Variants in FTO observed in about 807,000 individuals in gnomAD.
The protein encoded by FTO is FTO alpha-ketoglutarate dependent dioxygenase.
In FTO, 47 loss-of-function variants were observed where a neutral mutation model predicts 63.9. The ratio of observed to expected loss-of-function variants is 0.74; its 90% confidence interval spans 0.58 to 0.94. The LOEUF (loss-of-function observed/expected upper bound fraction) is 0.94, where lower values mean the gene tolerates loss of function less well. Ranked by LOEUF, FTO falls within the 40% of genes least tolerant of loss-of-function variation. The pLI is 0.00. For missense variants in FTO, 562 were observed against 618.1 expected (o/e 0.91, Z 0.96); for synonymous variants, 207 against 224.4 (o/e 0.92, Z 0.69).
At chr16:53,982,884 A>AT (rs1341760730) in intron 8 of FTO, among the ~76,000 whole-genome samples, 1 of 152,132 alleles carries the variant, frequency 6.6e-6, no homozygotes, top group Non-Finnish European at 1.5e-5. Flanking sequence ...ATTCAGATAG[A>AT]TTTTTTTATG....
chr16:53,753,779 AT>A (rs1186452080), intron 1 of FTO, among the ~76,000 whole-genome samples: 4 of 152,072 alleles, frequency 2.6e-5, no homozygotes, highest in Non-Finnish European at 5.9e-5. Context: ...GAAGTGTGGG[AT>A]TGTAGAAGCT....
chr16:54,001,013 G>A (rs1188306719), intron 8 of FTO, among the ~76,000 whole-genome samples: 1 of 152,144 alleles, frequency 6.6e-6, no homozygotes, highest in Non-Finnish European at 1.5e-5. Context: ...AACTAGATGA[G>A]CTCTAAAGAG....
chr16:53,939,394 C>CA (rs1485193647), intron 8 of FTO, among the ~76,000 whole-genome samples: 4 of 151,598 alleles, frequency 2.6e-5, no homozygotes, highest in Middle Eastern at 3.4e-3. Context: ...AAAAGCAAAC[C>CA]AAAAAAAGAG....
chr16:53,915,060 A>G (rs542452694), intron 7 of FTO, among the ~76,000 whole-genome samples: 2 of 152,326 alleles, frequency 1.3e-5, no homozygotes, highest in South Asian at 2.1e-4. Flanking sequence ...TTTTGTTTCC[A>G]TACAACAGTT....
At chr16:53,769,654 T>C (rs2077288013) in intron 1 of FTO, among the ~76,000 whole-genome samples, 1 of 152,136 alleles carries the variant, frequency 6.6e-6, no homozygotes, top group Non-Finnish European at 1.5e-5. Flanking sequence ...CCTGTGGGTT[T>C]ACATTAGTTA....
intron 1 of FTO, among the ~76,000 whole-genome samples, chr16:53,773,737 A>G (rs1163293587): frequency 6.6e-6 from 1 of 152,188 alleles, no homozygotes; most frequent in Non-Finnish European, 1.5e-5. Flanking sequence ...GCTTCTTCAG[A>G]CCAGAATTGT....
At chr16:53,932,392 G>GTTT (rs1277490248) in intron 7 of FTO, among the ~76,000 whole-genome samples, 2 of 140,994 alleles carry the variant, frequency 1.4e-5, no homozygotes. Flanking sequence ...TTCTGATGTG[G>GTTT]TTTTTTTTTT....
intron 5 of FTO, among the ~76,000 whole-genome samples, chr16:53,874,680 G>C (rs1038288334): frequency 6.6e-6 from 1 of 152,198 alleles, no homozygotes; most frequent in Non-Finnish European, 1.5e-5. Flanking sequence ...GCAGTACTGC[G>C]TGAGTCTATA....
At position 53,925,028 on chromosome 16, in the gene FTO, T is replaced by G. The variant is rs573137846; in HGVS notation, c.1240-8957T>G. Among the ~76,000 whole-genome samples the G allele has an allele frequency of 2.0e-5, 3 of 151,796 alleles. No homozygotes were observed. In the East Asian group the frequency reaches 5.8e-4, roughly 30 times the overall value. On this transcript the variant is annotated intron_variant, in intron 7 of 8. Transcript: ENST00000471389. ...TGGGACTAAGGCTATCTCAGTGGGT[T>G]CTGTGCCTTTCTTCTTTTTTTTCTT...
At chr16:54,062,735 A>G (rs1303533979) in intron 8 of FTO, among the ~76,000 whole-genome samples, 1 of 152,192 alleles carries the variant, frequency 6.6e-6, no homozygotes, top group African/African-American at 2.4e-5. Flanking sequence ...CTCTGGGGAC[A>G]GTTTTGTCAC....
chr16:53,860,929 G>A (rs2080158815), intron 4 of FTO, among the ~76,000 whole-genome samples: 1 of 151,042 alleles, frequency 6.6e-6, no homozygotes, highest in South Asian at 2.1e-4. Context: ...TTTACTGTGA[G>A]GTCATGGGTA....
chr16:53,964,746 A>G (rs2083159267), intron 8 of FTO, among the ~76,000 whole-genome samples: 1 of 152,232 alleles, frequency 6.6e-6, no homozygotes, highest in Admixed American at 6.5e-5. Flanking sequence ...TTTCATAGAA[A>G]ATAATGAATC....
At chr16:53,805,807 G>T (rs2078349148) in intron 1 of FTO, among the ~76,000 whole-genome samples, 1 of 152,158 alleles carries the variant, frequency 6.6e-6, no homozygotes, top group Admixed American at 6.5e-5. Context: ...CTGTGGAAAT[G>T]GGTGGTAGCC....
In FTO at chr16:54,090,813, C is replaced by T. The variant is rs1363515337; in HGVS notation, c.1365-20949C>T. ...TGCTGGGTTCACTGAGGGTCTTACC[C>T]GTGACTATAGTCAGGGAGCAGCTGG... On this transcript the variant is annotated intron_variant, in intron 8 of 8. Transcript: ENST00000471389. Among the ~76,000 whole-genome samples the T allele has an allele frequency of 1.4e-4, 22 of 152,148 alleles. 1 individual carries two copies. Among genetic ancestry groups the T allele is most frequent in the Admixed American group, 1.3e-3 (20 of 15,266 alleles).
intron 8 of FTO, among the ~76,000 whole-genome samples, chr16:53,990,634 A>T (rs1269336435): frequency 7.8e-6 from 1 of 128,488 alleles, no homozygotes; most frequent in Non-Finnish European, 1.6e-5. Context: ...CATGCTTTGC[A>T]TACATTTCTT....
chr16:53,763,593 ACGCATGATTACATTGACC>A (rs2077122691), intron 1 of FTO, among the ~76,000 whole-genome samples: 1 of 152,202 alleles, frequency 6.6e-6, no homozygotes, highest in African/African-American at 2.4e-5. Flanking sequence ...TGCTAAACTA[ACGCATGATTACATTGACC>A]CTATGATTAT....
intron 1 of FTO, among the ~76,000 whole-genome samples, chr16:53,769,766 C>A (rs1230308929): frequency 6.6e-6 from 1 of 152,024 alleles, no homozygotes; most frequent in Non-Finnish European, 1.5e-5. Context: ...AAATGCATTT[C>A]TTGTTTATGT....
intron 8 of FTO, among the ~76,000 whole-genome samples, chr16:54,096,399 T>C (rs1311229461): frequency 6.6e-6 from 1 of 152,212 alleles, no homozygotes; most frequent in East Asian, 1.9e-4. Flanking sequence ...TGGCCTGGAC[T>C]TCTTCCCTTT....
intron 2 of FTO, among the ~76,000 whole-genome samples, chr16:53,819,385 T>C (rs577987928): frequency 6.6e-6 from 1 of 152,172 alleles, no homozygotes; most frequent in African/African-American, 2.4e-5. Context: ...TTGCCCAGGC[T>C]AGTCTCGAGC....
Sources: allele counts gnomAD v4.1 joint callset (sites outside exome capture counted in the v4.1 genomes callset), GRCh38; gene constraint gnomAD v4.1.1; transcripts MANE v1.5; gene names NCBI Gene and HGNC (gene_info 2026-07-23, HGNC 2026-07-21).